Variants in COBL observed in about 807,000 individuals in gnomAD.
The protein encoded by COBL is protein cordon-bleu.
Under a neutral mutation model 98.8 loss-of-function variants are expected in COBL, and 51 were observed. The observed-to-expected ratio is 0.52, with a 90% CI of 0.41 to 0.65. The LOEUF is 0.65. COBL is among the 30% of genes least tolerant of loss of function. The probability of loss-of-function intolerance (pLI) is 0.00; values close to 1 mark genes in which losing one functional copy is unlikely to be tolerated. For missense variants in COBL, 1,617 were observed against 1,617.5 expected, an observed-to-expected ratio of 1.00 and a Z score of 0.01; for synonymous variants, 634 against 651.7, an observed-to-expected ratio of 0.97 and a Z score of 0.41.
intron 1 of COBL, among the ~76,000 whole-genome samples, chr7:51,293,669 G>A (rs1185814411): frequency 2.6e-5 from 4 of 152,176 alleles, no homozygotes; most frequent in Non-Finnish European, 5.9e-5. Flanking sequence ...AATATGTATA[G>A]TTTATTGTAC....
intron 5 of COBL, among the ~76,000 whole-genome samples, chr7:51,140,356 G>A (rs1241511799): frequency 6.6e-6 from 1 of 152,122 alleles, no homozygotes; most frequent in East Asian, 1.9e-4. Flanking sequence ...TACATTCAGT[G>A]TAAAACATCA....
At position 51,028,389 on chromosome 7, in the gene COBL, G is replaced by A; in HGVS notation, c.2707C>T (p.Leu903=). Residue 903 remains leucine, a synonymous_variant, in exon 10 of 13, where the codon CTG becomes TTG. Coordinates refer to ENST00000265136, the MANE Select transcript of COBL (RefSeq NM_015198.5). ...TTCACAGTGACAGGTGGTGCAGCCA[G>A]CACTGGCGCCTTGCCTGCATAACCC... ...EKGYAGKAPV[L]AAPPVTVKDD... 1 of 1,614,286 alleles carries A rather than the reference G, an allele frequency of 6.2e-7. No homozygotes were observed. The highest frequency in any genetic ancestry group is 8.5e-7 in the Non-Finnish European group (1 of 1,180,054).
intron 5 of COBL, among the ~76,000 whole-genome samples, chr7:51,167,993 T>C (rs889754472): frequency 1.3e-5 from 2 of 152,096 alleles, no homozygotes; most frequent in African/African-American, 4.8e-5. Context: ...CTCCAGGATA[T>C]TGGTCTGGGC....
chr7:51,162,529 T>C (rs1449391653), intron 5 of COBL, among the ~76,000 whole-genome samples: 2 of 152,194 alleles, frequency 1.3e-5, no homozygotes, highest in Non-Finnish European at 2.9e-5. Context: ...AAATCTATTC[T>C]CATAGAGTCT....
At chr7:51,184,845 T>C (rs896966311) in intron 4 of COBL, among the ~76,000 whole-genome samples, 2 of 152,250 alleles carry the variant, frequency 1.3e-5, no homozygotes, top group Admixed American at 6.5e-5. Context: ...GTACAAACTT[T>C]AACTAAATGA....
intron 7 of COBL, among the ~76,000 whole-genome samples, chr7:51,067,473 C>T (rs1792056947): frequency 6.6e-6 from 1 of 152,216 alleles, no homozygotes; most frequent in Non-Finnish European, 1.5e-5. Flanking sequence ...GTATATACAT[C>T]TATGCACATG....
intron 6 of COBL, among the ~76,000 whole-genome samples, chr7:51,096,998 A>G (rs1264127668): frequency 6.6e-6 from 1 of 152,220 alleles, no homozygotes; most frequent in Non-Finnish European, 1.5e-5. Flanking sequence ...TTATGATGCC[A>G]GCAGGACCCT....
intron 1 of COBL, among the ~76,000 whole-genome samples, chr7:51,273,327 CAAAAAA>C (rs953811880): frequency 1.7e-5 from 1 of 59,482 alleles, no homozygotes; most frequent in African/African-American, 4.9e-5. Context: ...GACTCCATCT[CAAAAAA>C]AAAAAAAAAA....
chr7:51,059,520 T>G (rs1377259574), intron 7 of COBL, among the ~76,000 whole-genome samples: 2 of 152,036 alleles, frequency 1.3e-5, no homozygotes, highest in African/African-American at 2.4e-5. Flanking sequence ...TCTTAAGGCT[T>G]TGGGGAACTT....
At chr7:51,137,772 G>A (rs1002391631) in intron 5 of COBL, among the ~76,000 whole-genome samples, 3 of 152,126 alleles carry the variant, frequency 2.0e-5, no homozygotes, top group African/African-American at 7.2e-5. Flanking sequence ...TTCCTGGTAG[G>A]TGGAGGGCCC....
chr7:51,311,633 C>A (rs116022404), intron 1 of COBL, among the ~76,000 whole-genome samples: 1,783 of 152,192 alleles, frequency 0.012, 36 homozygotes, highest in African/African-American at 0.041. Flanking sequence ...CCCATCAATT[C>A]AGAAGCAGAA....
At chr7:51,294,303 A>C (rs1171064719) in intron 1 of COBL, among the ~76,000 whole-genome samples, 2 of 134,846 alleles carry the variant, frequency 1.5e-5, no homozygotes, top group Non-Finnish European at 3.0e-5. Flanking sequence ...AACATAAATA[A>C]ATAAATAAAT....
chr7:51,019,800 G>T (rs1280579490), intron 12 of COBL, among the ~76,000 whole-genome samples: 1 of 152,172 alleles, frequency 6.6e-6, no homozygotes. Context: ...TAAACCAGGG[G>T]TGATGCAATT....
At chr7:51,118,212 T>C (rs1229238220) in intron 6 of COBL, among the ~76,000 whole-genome samples, 3 of 152,172 alleles carry the variant, frequency 2.0e-5, no homozygotes, top group Non-Finnish European at 4.4e-5. Flanking sequence ...TTGCTGCATA[T>C]CACATTACCA....
intron 1 of COBL, among the ~76,000 whole-genome samples, chr7:51,261,590 G>GA (rs1797724345): frequency 6.6e-6 from 1 of 152,210 alleles, no homozygotes; most frequent in East Asian, 1.9e-4. Flanking sequence ...GGGAATGGAG[G>GA]AATCTGAGGT....
At chr7:51,281,568 T>C (rs538625644) in intron 1 of COBL, among the ~76,000 whole-genome samples, 2 of 152,118 alleles carry the variant, frequency 1.3e-5, no homozygotes, top group African/African-American at 4.8e-5. Flanking sequence ...GTGACATTTC[T>C]TAAATGGAAA....
intron 12 of COBL, among the ~76,000 whole-genome samples, chr7:51,020,600 C>T (rs77187271): frequency 2.0e-5 from 3 of 152,212 alleles, no homozygotes; most frequent in African/African-American, 4.8e-5. Flanking sequence ...GACAGTCAGA[C>T]GCATACAGCT....
chr7:51,108,952 ACACACC>A (rs538869840), intron 6 of COBL, among the ~76,000 whole-genome samples: 9,280 of 48,846 alleles, frequency 0.19, 389 homozygotes, highest in Middle Eastern at 0.45. Flanking sequence ...ACACACACAC[ACACACC>A]CCCTGCCCCA....
intron 1 of COBL, among the ~76,000 whole-genome samples, chr7:51,295,855 A>C (rs1477252835): frequency 6.6e-6 from 1 of 152,230 alleles, no homozygotes; most frequent in African/African-American, 2.4e-5. Flanking sequence ...GTGATCAATG[A>C]AAATTTAAAA....
Sources: allele counts gnomAD v4.1 joint callset (sites outside exome capture counted in the v4.1 genomes callset), GRCh38; gene constraint gnomAD v4.1.1; transcripts MANE v1.5; gene names NCBI Gene and HGNC (gene_info 2026-07-23, HGNC 2026-07-21).